Variants in KANSL1L observed in about 807,000 individuals in gnomAD.
KANSL1L encodes KAT8 regulatory NSL complex subunit 1-like protein.
Under a neutral mutation model 108.6 loss-of-function variants are expected in KANSL1L, and 25 were observed. The observed-to-expected ratio is 0.23, with a 90% CI of 0.17 to 0.32. The LOEUF (loss-of-function observed/expected upper bound fraction) is 0.32. KANSL1L is among the 10% of genes least tolerant of loss of function. KANSL1L has a pLI of 1.00. For synonymous variants in KANSL1L, 405 were observed against 395.1 expected (o/e 1.03, Z -0.30); for missense variants, 1,137 against 1,125.7 (o/e 1.01, Z -0.14).
At chr2:210,033,693 C>G (rs2094057129) in intron 8 of KANSL1L, among the ~76,000 whole-genome samples, 1 of 43,546 alleles carries the variant, frequency 2.3e-5, no homozygotes, top group Non-Finnish European at 4.7e-5. Flanking sequence ...CCACGCCCGG[C>G]TATTTTTTTT....
intron 2 of KANSL1L, among the ~76,000 whole-genome samples, chr2:210,140,006 C>A (rs574756913): frequency 9.9e-5 from 15 of 152,088 alleles, no homozygotes; most frequent in African/African-American, 3.6e-4. Context: ...ACCTCCTTGG[C>A]CACTTTGCCC....
At chr2:210,068,285 ATC>A (rs567527797) in intron 6 of KANSL1L, among the ~76,000 whole-genome samples, 387 of 152,174 alleles carry the variant, frequency 2.5e-3, no homozygotes, top group African/African-American at 8.9e-3. Flanking sequence ...TAATTAAGTT[ATC>A]TCTTTTTTCT....
chr2:210,058,209 G>A (rs946945876), intron 6 of KANSL1L, among the ~76,000 whole-genome samples: 8 of 152,020 alleles, frequency 5.3e-5, no homozygotes, highest in Admixed American at 5.2e-4. Context: ...GGGGGCGGCT[G>A]ACTTTTATGG....
At chr2:210,047,613 G>C (rs959095643) in intron 6 of KANSL1L, among the ~76,000 whole-genome samples, 1 of 152,128 alleles carries the variant, frequency 6.6e-6, no homozygotes, top group Non-Finnish European at 1.5e-5. Context: ...TAAATAAAAT[G>C]CATTTAAAGG....
intron 8 of KANSL1L, among the ~76,000 whole-genome samples, chr2:210,034,219 C>T (rs190731824): frequency 1.3e-5 from 2 of 152,268 alleles, no homozygotes; most frequent in East Asian, 3.9e-4. Flanking sequence ...TTAAGGAATG[C>T]AATTGTAATG....
chr2:210,043,907 CGTTACTTAGAAATT>C lies in KANSL1L; in HGVS notation c.1921+18_1921+31del, dbSNP rs1559510106. On this transcript the variant is annotated intron_variant, in intron 7 of 14. Transcript: ENST00000281772. ...GATTAGATTTCAGTACAGAAAATAT[CGTTACTTAGAAATT>C]GTTACAAGGAGGCTTACCTGATGGC... The C allele has an allele frequency of 1.4e-6, 2 of 1,412,808 alleles. No homozygotes were observed. Among genetic ancestry groups the C allele is most frequent in the South Asian group, 2.8e-5 (2 of 70,546 alleles). The allele number at this position is 1,412,808 out of a possible 1,614,324, so 87.5% of individuals were successfully genotyped here.
At chr2:210,075,902 G>C (rs1276418610) in intron 5 of KANSL1L, 146 bp from the exon 6 acceptor site, 1 of 608,592 alleles carries the variant, frequency 1.6e-6, no homozygotes, top group Non-Finnish European at 2.8e-6. Flanking sequence ...GGTAACAATT[G>C]GTAAAATATT....
intron 3 of KANSL1L, among the ~76,000 whole-genome samples, chr2:210,127,040 A>C (rs902132966): frequency 1.3e-5 from 2 of 152,224 alleles, no homozygotes; most frequent in African/African-American, 2.4e-5. Context: ...CTTTTTAAAA[A>C]AAAAGAAGAA....
chr2:210,060,000 C>T (rs1280943557), intron 6 of KANSL1L, among the ~76,000 whole-genome samples: 1 of 152,162 alleles, frequency 6.6e-6, no homozygotes, highest in Non-Finnish European at 1.5e-5. Context: ...ACCTCGGCCT[C>T]CCAAAGTGCT....
At chr2:210,098,265 C>T (rs1225099583) in intron 4 of KANSL1L, 58 bp from the exon 5 acceptor site, 2 of 1,547,318 alleles carry the variant, frequency 1.3e-6, no homozygotes, top group Admixed American at 3.6e-5. Context: ...AGTTAAAGCT[C>T]AGATGCATAG....
intron 9 of KANSL1L, 36 bp from the exon 10 acceptor site, chr2:210,029,954 A>G: frequency 9.6e-7 from 1 of 1,040,176 alleles, no homozygotes; most frequent in Admixed American, 1.9e-5. Context: ...TTACACATTA[A>G]ACAAGTCTAA....
chr2:210,071,777 T>C (rs890156449), intron 6 of KANSL1L, among the ~76,000 whole-genome samples: 16 of 152,298 alleles, frequency 1.1e-4, no homozygotes, highest in Non-Finnish European at 1.2e-4. Flanking sequence ...AGTTAGGACA[T>C]AGACATATCT....
At chr2:210,035,626 GCACCACCACCCT>G (rs1488932341) in intron 8 of KANSL1L, among the ~76,000 whole-genome samples, 2 of 152,092 alleles carry the variant, frequency 1.3e-5, no homozygotes, top group Non-Finnish European at 2.9e-5. Flanking sequence ...CCACAGGTGT[GCACCACCACCCT>G]CAGCTAGCCT....
intron 6 of KANSL1L, among the ~76,000 whole-genome samples, chr2:210,053,608 CAG>C (rs2094316720): frequency 6.6e-6 from 1 of 151,250 alleles, no homozygotes; most frequent in Non-Finnish European, 1.5e-5. Flanking sequence ...CACAAACAAA[CAG>C]AAAAAAAATA....
At position 210,153,827 on chromosome 2, in the gene KANSL1L, A is replaced by G. The variant is rs2095318257; in HGVS notation, c.756T>C (p.His252=). The part of the protein sequence containing the change: ...QKHLQMLLAK[H]VVKHYGQQMK... Reference sequence around the variant, plus strand: ...TCTGCTGACCATAGTGCTTAACAACATGCTTTGCCAGGAGCATCTGCAAAT... The same window carrying G: ...TCTGCTGACCATAGTGCTTAACAACGTGCTTTGCCAGGAGCATCTGCAAAT... The change falls in exon 2 of 15, where the codon CAT becomes CAC. Residue 252 remains histidine (H), a synonymous_variant. Transcript: ENST00000281772. 12 of 1,612,822 alleles carry G rather than the reference A, an allele frequency of 7.4e-6. No individual in the cohort carries two copies. The highest frequency in any genetic ancestry group is 1.0e-5 in the Non-Finnish European group (12 of 1,179,730).
intron 4 of KANSL1L, among the ~76,000 whole-genome samples, chr2:210,102,177 T>C (rs1426764635): frequency 6.6e-6 from 1 of 152,250 alleles, no homozygotes; most frequent in East Asian, 1.9e-4. Context: ...AGTACCATGC[T>C]GTTTAGCCTT....
intron 3 of KANSL1L, among the ~76,000 whole-genome samples, chr2:210,118,411 G>A (rs1317605231): frequency 6.8e-6 from 1 of 146,742 alleles, no homozygotes; most frequent in Non-Finnish European, 1.5e-5. Context: ...AGGTCGCACT[G>A]TGAGCTCAGA....
intron 4 of KANSL1L, among the ~76,000 whole-genome samples, chr2:210,099,633 T>G (rs967419431): frequency 9.9e-5 from 15 of 152,226 alleles, no homozygotes; most frequent in African/African-American, 3.6e-4. Context: ...CTGAAGTATC[T>G]CACATCTTCC....
intron 1 of KANSL1L, among the ~76,000 whole-genome samples, chr2:210,167,952 A>G (rs530379860): frequency 6.6e-6 from 1 of 152,152 alleles, no homozygotes; most frequent in East Asian, 1.9e-4. Flanking sequence ...AAAAGTCCCC[A>G]TAAAACAACA....
Sources: gnomAD v4.1 joint callset for allele counts (sites outside exome capture counted in the v4.1 genomes callset) on GRCh38, gnomAD v4.1.1 for gene constraint, MANE v1.5 for transcripts, NCBI Gene and HGNC (gene_info 2026-07-23, HGNC 2026-07-21) for gene names.